The following PRIM2 variants were observed in gnomAD, a reference collection of about 807,000 sequenced individuals.
The protein encoded by PRIM2 is DNA primase large subunit.
A neutral mutation model predicts 67.3 loss-of-function variants in PRIM2; 39 were observed. The ratio of observed to expected loss-of-function variants is 0.58; its 90% CI spans 0.45 to 0.76. The LOEUF (loss-of-function observed/expected upper bound fraction) is 0.76. PRIM2 is among the 30% of genes least tolerant of loss of function. The pLI, the probability that PRIM2 is intolerant of heterozygous loss-of-function variation, is 0.00. For synonymous variants in PRIM2, 143 were observed against 198.7 expected (o/e 0.72, Z 2.36); for missense variants, 398 against 598.7 (o/e 0.66, Z 3.50).
At chr6:57,451,575 G>T (rs1180578217) in intron 7 of PRIM2, among the ~76,000 whole-genome samples, 2 of 151,926 alleles carry the variant, frequency 1.3e-5, no homozygotes, top group Non-Finnish European at 1.5e-5. Flanking sequence ...TTCATTTAAG[G>T]CTCATTCCAG....
In PRIM2 at chr6:57,525,589, C is replaced by A. The variant is rs1221323683; in HGVS notation, c.762-6822C>A. Among the ~76,000 whole-genome samples the A allele has an allele frequency of 3.3e-5, 5 of 152,294 alleles. No homozygotes were observed. The South Asian group carries it at 1.0e-3, about 32-fold the overall frequency. ...AGCAGGCTTCTCTATTCAACCTAGA[C>A]CTGTTGTCCGGCATTTCAACAACAT... On this transcript the variant is annotated intron_variant, in intron 8 of 13. Transcript: ENST00000615550.
chr6:57,349,239 C>A (rs1768781133), intron 5 of PRIM2, among the ~76,000 whole-genome samples: 1 of 151,974 alleles, frequency 6.6e-6, no homozygotes, highest in African/African-American at 2.4e-5. Flanking sequence ...GAAGATAATA[C>A]TTTGTTTCGT....
chr6:57,641,793 A>G (rs1777240668), intron 13 of PRIM2, among the ~76,000 whole-genome samples: 1 of 152,234 alleles, frequency 6.6e-6, no homozygotes, highest in Admixed American at 6.5e-5. Context: ...GGGAGTGTAA[A>G]TTAGTTCAAC....
chr6:57,563,816 A>G (rs1212389673), intron 10 of PRIM2, among the ~76,000 whole-genome samples: 3 of 152,086 alleles, frequency 2.0e-5, no homozygotes, highest in Non-Finnish European at 4.4e-5. Context: ...ACACGCCACC[A>G]TGCCTGGCTA....
chr6:57,445,349 C>T (rs1772331675), intron 7 of PRIM2, among the ~76,000 whole-genome samples: 1 of 152,106 alleles, frequency 6.6e-6, no homozygotes, highest in East Asian at 1.9e-4. Context: ...TCATGGGTTC[C>T]TACTGATATC....
chr6:57,524,262 G>A (rs1554349163), intron 8 of PRIM2, among the ~76,000 whole-genome samples: 2 of 152,146 alleles, frequency 1.3e-5, no homozygotes, highest in Non-Finnish European at 2.9e-5. Flanking sequence ...TTTTCTGTTT[G>A]CTGTGATTTT....
At chr6:57,234,009 C>T in the PRIM2 span, among the ~76,000 whole-genome samples, 8 of 151,844 alleles carry the variant, frequency 5.3e-5, no homozygotes, top group Non-Finnish European at 1.0e-4. Flanking sequence ...TTAGTGTGTA[C>T]GAATAAATAG....
intron 9 of PRIM2, among the ~76,000 whole-genome samples, chr6:57,535,163 A>G (rs1774978686): frequency 6.6e-6 from 1 of 152,004 alleles, no homozygotes. Context: ...AGAAATAGAA[A>G]TTGAGGTGGG....
At chr6:57,284,634 G>C in the PRIM2 span, among the ~76,000 whole-genome samples, 3 of 151,998 alleles carry the variant, frequency 2.0e-5, no homozygotes, top group African/African-American at 7.2e-5. Context: ...TAAATATTGA[G>C]TATGAATGAA....
intron 5 of PRIM2, among the ~76,000 whole-genome samples, chr6:57,332,839 C>G (rs1359681345): frequency 6.6e-6 from 1 of 151,984 alleles, no homozygotes; most frequent in South Asian, 2.1e-4. Context: ...AAGTCTCTGA[C>G]TTTTGCATGG....
intron 7 of PRIM2, among the ~76,000 whole-genome samples, chr6:57,486,910 C>CA (rs1295840822): frequency 6.6e-6 from 1 of 152,086 alleles, no homozygotes; most frequent in Non-Finnish European, 1.5e-5. Context: ...ATAGAGTGTA[C>CA]ATTTGATTTC....
At chr6:57,319,286 G>A (rs941139845) in intron 2 of PRIM2, among the ~76,000 whole-genome samples, 3 of 152,204 alleles carry the variant, frequency 2.0e-5, no homozygotes, top group African/African-American at 7.2e-5. Flanking sequence ...AATCCTCAGT[G>A]TGTTGCTAGA....
At chr6:57,369,382 C>A (rs1243045695) in intron 5 of PRIM2, among the ~76,000 whole-genome samples, 3 of 152,130 alleles carry the variant, frequency 2.0e-5, no homozygotes, top group Non-Finnish European at 4.4e-5. Flanking sequence ...TATAACTTTG[C>A]CAAAACAGTT....
intron 10 of PRIM2, among the ~76,000 whole-genome samples, chr6:57,600,673 A>G (rs1239571653): frequency 1.3e-5 from 2 of 152,084 alleles, no homozygotes; most frequent in Non-Finnish European, 2.9e-5. Context: ...AACTATTTTA[A>G]TAGGCATTTA....
At chr6:57,391,842 G>A (rs1239332989) in intron 7 of PRIM2, among the ~76,000 whole-genome samples, 1 of 151,854 alleles carries the variant, frequency 6.6e-6, no homozygotes, top group Non-Finnish European at 1.5e-5. Context: ...TTGGCTATTC[G>A]GACTCTTTTT....
intron 10 of PRIM2, among the ~76,000 whole-genome samples, chr6:57,592,475 A>G (rs1292814086): frequency 6.6e-6 from 1 of 152,238 alleles, no homozygotes; most frequent in Admixed American, 6.5e-5. Flanking sequence ...CCGACCTTGC[A>G]TAATGAAGGT....
chr6:57,310,050 A>G (rs1430959310), upstream of PRIM2, among the ~76,000 whole-genome samples: 1 of 152,130 alleles, frequency 6.6e-6, no homozygotes, highest in Non-Finnish European at 1.5e-5. Context: ...CTCATCTGAC[A>G]AAGGGCTAAT....
chr6:57,519,950 A>G (rs1269386714), intron 8 of PRIM2, among the ~76,000 whole-genome samples: 3 of 152,228 alleles, frequency 2.0e-5, no homozygotes, highest in Non-Finnish European at 4.4e-5. Flanking sequence ...ACTTCCCGCA[A>G]CAACTTATTC....
intron 7 of PRIM2, among the ~76,000 whole-genome samples, chr6:57,410,081 G>A (rs1292545375): frequency 6.6e-6 from 1 of 152,052 alleles, no homozygotes; most frequent in Non-Finnish European, 1.5e-5. Flanking sequence ...CACTTTGGGA[G>A]CCCCAGGTGG....
Sources: gnomAD v4.1 joint callset for allele counts (sites outside exome capture counted in the v4.1 genomes callset) on GRCh38, gnomAD v4.1.1 for gene constraint, MANE v1.5 for transcripts, NCBI Gene and HGNC (gene_info 2026-07-23, HGNC 2026-07-21) for gene names.